The following HIF1A variants were observed in gnomAD, a reference collection of about 807,000 sequenced individuals.
The protein encoded by HIF1A is hypoxia-inducible factor 1-alpha.
A neutral mutation model predicts 92.7 loss-of-function variants in HIF1A; 24 were observed. That is an observed-to-expected ratio of 0.26 (90% CI 0.19 to 0.36). HIF1A has a LOEUF of 0.36. HIF1A is among the 10% of genes least tolerant of loss of function. HIF1A has a pLI of 1.00. For synonymous variants in HIF1A, 319 were observed against 338.7 expected (o/e 0.94, Z 0.64); for missense variants, 799 against 998.5 (o/e 0.80, Z 2.69).
chr14:61,709,791 T>G (rs1342119375), intron 1 of HIF1A, among the ~76,000 whole-genome samples: 1 of 152,218 alleles, frequency 6.6e-6, no homozygotes, highest in Non-Finnish European at 1.5e-5. Flanking sequence ...GATACTGAAT[T>G]ATATTGCCTG....
At chr14:61,730,189 CTT>C (rs1392164050) in intron 6 of HIF1A, among the ~76,000 whole-genome samples, 1 of 152,114 alleles carries the variant, frequency 6.6e-6, no homozygotes, top group Non-Finnish European at 1.5e-5. Flanking sequence ...ATTAAAAACA[CTT>C]TTTGGTCATA....
intron 6 of HIF1A, among the ~76,000 whole-genome samples, chr14:61,728,170 A>G (rs2044530892): frequency 6.6e-6 from 1 of 152,228 alleles, no homozygotes; most frequent in East Asian, 1.9e-4. Context: ...TTACTTTACT[A>G]GGTGCTATCC....
At chr14:61,724,088 T>C (rs1464887476) in intron 4 of HIF1A, among the ~76,000 whole-genome samples, 1 of 152,042 alleles carries the variant, frequency 6.6e-6, no homozygotes, top group Non-Finnish European at 1.5e-5. Context: ...GTTTAAAATT[T>C]AGGTTTTTTT....
Position 61,706,330 on chromosome 14 carries a change from T to C in HIF1A, c.35+10491T>C, listed in dbSNP as rs186062791. 3.5e-4 allele frequency among the ~76,000 whole-genome samples: 53 copies of C among 152,254 alleles called. No homozygotes were observed. The East Asian group carries it at 6.0e-3, about 17-fold the overall frequency. On this transcript the variant is annotated intron_variant, in intron 1 of 14. Transcript: ENST00000337138. Reference sequence around the variant, plus strand: ...ATTGTTTCAGAGAACTGGAAAAAAATTCAGTTGCCACATTCTTCCTTAGGT... The same window carrying C: ...ATTGTTTCAGAGAACTGGAAAAAAACTCAGTTGCCACATTCTTCCTTAGGT...
chr14:61,719,819 A>T (rs540772303), intron 1 of HIF1A, among the ~76,000 whole-genome samples: 3 of 152,320 alleles, frequency 2.0e-5, no homozygotes, highest in South Asian at 2.1e-4. Flanking sequence ...GCACTGGCTT[A>T]TAGCTGCTAA....
At chr14:61,704,123 A>T (rs2140120130) in intron 1 of HIF1A, among the ~76,000 whole-genome samples, 1 of 152,348 alleles carries the variant, frequency 6.6e-6, no homozygotes, top group East Asian at 1.9e-4. Context: ...ACATCAACTC[A>T]TATGAAACAC....
chr14:61,744,665 A>T (rs776883852), intron 12 of HIF1A, 40 bp from the exon 13 acceptor site: 13 of 843,442 alleles, frequency 1.5e-5, no homozygotes, highest in African/African-American at 1.2e-4. Context: ...TATTTTTTTT[A>T]AAAACGCTAT....
Position 61,727,591 on chromosome 14 carries a change from T to G in HIF1A, c.709T>G (p.Leu237Val). 2 of 1,613,914 alleles carry G rather than the reference T, an allele frequency of 1.2e-6. No individual in the cohort carries two copies. Among genetic ancestry groups the G allele is most frequent in the Non-Finnish European group, 1.7e-6 (2 of 1,179,804 alleles). The change falls in exon 6 of 15, where the codon TTA becomes GTA. Residue 237 changes from leucine (L) to valine (V), a missense_variant. Physicochemically the swap from Leu to Val is conservative, Grantham distance 32 (BLOSUM62 1). Around this residue, in one of 2 missense-constraint regions of HIF1A, gnomAD observed 516 missense variants for 721.0 expected, o/e 0.72. Transcript: ENST00000337138. ...IPHPSNIEIPLDSKTFLSRHS... is the reference protein window; with the variant it reads ...IPHPSNIEIPVDSKTFLSRHS... ...TCACCCATCAAATATTGAAATTCCTTTAGATAGCAAGACTTTCCTCAGTCG... is the reference window on the plus strand; with the variant it reads ...TCACCCATCAAATATTGAAATTCCTGTAGATAGCAAGACTTTCCTCAGTCG...
intron 5 of HIF1A, among the ~76,000 whole-genome samples, chr14:61,727,235 T>C (rs553260148): frequency 3.5e-4 from 53 of 152,198 alleles, no homozygotes; most frequent in Non-Finnish European, 6.0e-4. Context: ...ACGAGGGGAA[T>C]TTTTTAAAGA....
At chr14:61,722,554 A>T (rs570806357) in intron 4 of HIF1A, among the ~76,000 whole-genome samples, 1 of 152,184 alleles carries the variant, frequency 6.6e-6, no homozygotes, top group Non-Finnish European at 1.5e-5. Context: ...ATTAAAATAC[A>T]CCATTAAGGC....
At position 61,748,094 on chromosome 14, in the gene HIF1A, G is replaced by T. The variant is rs2044816649; in HGVS notation, c.*1009G>T. 6.6e-6 allele frequency: 1 copy of T among 152,430 alleles called. No individual in the cohort carries two copies. Among genetic ancestry groups the T allele is most frequent in the Non-Finnish European group, 1.5e-5 (1 of 67,946 alleles). The allele number at this position is 152,430 out of a possible 1,614,324, so 9.4% of individuals were successfully genotyped here. A position where few individuals can be genotyped will look rare whatever the true frequency, so the allele number is the denominator to read the frequency against. Reference sequence around the variant, plus strand: ...TTTTCATGTAGATTTCAATAATTGAGTAATTTTAGAAGCATTATTTTAGGA... The same window carrying T: ...TTTTCATGTAGATTTCAATAATTGATTAATTTTAGAAGCATTATTTTAGGA... On this transcript the variant is annotated 3_prime_UTR_variant, in exon 15 of 15. Coordinates refer to ENST00000337138, the MANE Select transcript of HIF1A (RefSeq NM_001530.4).
chr14:61,707,265 A>G (rs1400538981), intron 1 of HIF1A, among the ~76,000 whole-genome samples: 2 of 151,584 alleles, frequency 1.3e-5, no homozygotes, highest in East Asian at 1.9e-4. Flanking sequence ...TTCAGACTTC[A>G]TAAATCAGAA....
At chr14:61,744,601 C>T in intron 12 of HIF1A, 104 bp from the exon 13 acceptor site, 2 of 529,020 alleles carry the variant, frequency 3.8e-6, no homozygotes, top group Non-Finnish European at 6.8e-6. Context: ...TATTATATTC[C>T]TTAATATTGG....
At chr14:61,711,332 G>A (rs1415074396) in intron 1 of HIF1A, among the ~76,000 whole-genome samples, 1 of 149,458 alleles carries the variant, frequency 6.7e-6, no homozygotes, top group East Asian at 2.0e-4. Context: ...AGCCTCCTGA[G>A]TATCTGGAAC....
chr14:61,744,903 T>C, intron 13 of HIF1A, 90 bp downstream of exon 13: 1 of 556,492 alleles, frequency 1.8e-6, no homozygotes, highest in Non-Finnish European at 3.2e-6. Flanking sequence ...GTTTCCACGT[T>C]TCTTCCAAAT....
At position 61,737,273 on chromosome 14, in the gene HIF1A, G is replaced by GT. The variant is rs749750831; in HGVS notation, c.1249+165dup. Among the ~76,000 whole-genome samples the GT allele has an allele frequency of 3.9e-5, 6 of 152,090 alleles. No homozygotes were observed. The South Asian group carries it at 1.2e-3, about 32-fold the overall frequency. On this transcript the variant is annotated intron_variant, in intron 9 of 14. Coordinates refer to ENST00000337138, the MANE Select transcript of HIF1A (RefSeq NM_001530.4). The stretch of plus-strand genomic sequence containing the variant: ...TATTTGCTTAAATATTTTTGCCCCC[G>GT]TAATTTCTTACCATTCTTGCTTTTT...
chr14:61,745,170 A>G (rs891942901), intron 13 of HIF1A, among the ~76,000 whole-genome samples: 2 of 152,154 alleles, frequency 1.3e-5, no homozygotes, highest in African/African-American at 4.8e-5. Context: ...CACGCCTGTA[A>G]TCCCAGCACT....
At position 61,718,040 on chromosome 14, in the gene HIF1A, A is replaced by G. The variant is rs181305823; in HGVS notation, c.36-2342A>G. Among the ~76,000 whole-genome samples, 257 of 151,640 alleles carry G rather than the reference A, an allele frequency of 1.7e-3. 1 individual carries two copies. Among genetic ancestry groups the G allele is most frequent in the Non-Finnish European group, 3.2e-3 (215 of 67,886 alleles). On this transcript the variant is annotated intron_variant, in intron 1 of 14. Transcript: ENST00000337138. ...CCATTAAAAAAAAAAAAAAGCATATATAGCACATATTATAAGGTTTTCAAT... is the reference window on the plus strand; with the variant it reads ...CCATTAAAAAAAAAAAAAAGCATATGTAGCACATATTATAAGGTTTTCAAT...
chr14:61,710,916 C>T (rs530256332), intron 1 of HIF1A, among the ~76,000 whole-genome samples: 2 of 151,926 alleles, frequency 1.3e-5, no homozygotes, highest in African/African-American at 4.8e-5. Context: ...AAAAATTAGC[C>T]GGGTGTGGTG....
Sources: gnomAD v4.1 joint callset for allele counts (sites outside exome capture counted in the v4.1 genomes callset) on GRCh38, gnomAD v4.1.1 for gene constraint, gnomAD v4.1.1 regional missense constraint, MANE v1.5 for transcripts, NCBI Gene and HGNC (gene_info 2026-07-23, HGNC 2026-07-21) for gene names.